ESRRG: variants seen among roughly 807,000 people sequenced by gnomAD.
ESRRG encodes the protein estrogen related receptor gamma.
A neutral mutation model predicts 44.0 loss-of-function variants in ESRRG; 13 were observed. The ratio of observed to expected loss-of-function variants is 0.30; its 90% CI spans 0.19 to 0.47. The LOEUF is 0.47. ESRRG is among the 20% of genes least tolerant of loss of function. The pLI, the probability that ESRRG is intolerant of heterozygous loss-of-function variation, is 1.00. For missense variants in ESRRG, 395 were observed against 580.6 expected (o/e 0.68, Z 3.29); for synonymous variants, 215 against 214.6 (o/e 1.00, Z -0.02).
chr1:217,133,602 C>CT, intron 1 of ESRRG, among the ~76,000 whole-genome samples: 1 of 128,080 alleles, frequency 7.8e-6, no homozygotes. Flanking sequence ...TGGTGTTTTC[C>CT]TTTTTTCTTT....
chr1:216,550,519 T>G (rs777012642), intron 5 of ESRRG, among the ~76,000 whole-genome samples: 8 of 152,214 alleles, frequency 5.3e-5, no homozygotes, highest in Non-Finnish European at 1.0e-4. Flanking sequence ...AAGCAGCCTT[T>G]ACACAGTCTT....
At chr1:216,622,547 A>G (rs1246407790) in intron 3 of ESRRG, among the ~76,000 whole-genome samples, 1 of 152,118 alleles carries the variant, frequency 6.6e-6, no homozygotes, top group African/African-American at 2.4e-5. Context: ...TTACTATGAT[A>G]TTAAGAGAAA....
intron 1 of ESRRG, among the ~76,000 whole-genome samples, chr1:217,103,738 T>C (rs1322731535): frequency 6.6e-6 from 1 of 152,066 alleles, no homozygotes; most frequent in Non-Finnish European, 1.5e-5. Context: ...TGTTAATGAA[T>C]AGAATATTCA....
At chr1:217,033,747 C>T (rs4846806) in intron 1 of ESRRG, among the ~76,000 whole-genome samples, 65,785 of 152,000 alleles carry the variant, frequency 0.43, 14,636 homozygotes, top group South Asian at 0.55. Flanking sequence ...ACCTAGTAAC[C>T]CTCTGCTGTG....
chr1:216,788,268 T>G (rs1415866952), intron 2 of ESRRG, among the ~76,000 whole-genome samples: 2 of 152,080 alleles, frequency 1.3e-5, no homozygotes, highest in African/African-American at 2.4e-5. Context: ...ACTTCAAAGC[T>G]CCAAAGAACA....
chr1:217,126,613 A>G (rs2092893929), intron 1 of ESRRG, among the ~76,000 whole-genome samples: 1 of 152,106 alleles, frequency 6.6e-6, no homozygotes, highest in Non-Finnish European at 1.5e-5. Context: ...GATCTTCAAA[A>G]AGCAGACTCT....
At chr1:217,043,655 A>AT (rs34911946) in intron 1 of ESRRG, among the ~76,000 whole-genome samples, 152,067 of 152,084 alleles carry the variant, frequency 1, 76,025 homozygotes, top group South Asian at 1. Flanking sequence ...AATAATGGGG[A>AT]TTTTTTTGCA....
chr1:216,593,141 T>G (rs1274943107), intron 3 of ESRRG, among the ~76,000 whole-genome samples: 1 of 152,204 alleles, frequency 6.6e-6, no homozygotes, highest in Non-Finnish European at 1.5e-5. Context: ...ATTGTTCAGG[T>G]TGCTCAATGT....
chr1:217,106,243 A>G (rs906333324), intron 1 of ESRRG, among the ~76,000 whole-genome samples: 2 of 152,240 alleles, frequency 1.3e-5, no homozygotes, highest in African/African-American at 4.8e-5. Flanking sequence ...TTCTCAATAC[A>G]TAATCCAGAG....
At chr1:216,872,315 T>G (rs2096269959) in intron 2 of ESRRG, among the ~76,000 whole-genome samples, 1 of 152,214 alleles carries the variant, frequency 6.6e-6, no homozygotes, top group Admixed American at 6.5e-5. Flanking sequence ...TCACTGAACC[T>G]GAATCTATGG....
intron 5 of ESRRG, among the ~76,000 whole-genome samples, chr1:216,546,561 C>A (rs1301169852): frequency 6.6e-6 from 1 of 151,978 alleles, no homozygotes; most frequent in Non-Finnish European, 1.5e-5. Context: ...TCGGCATTTT[C>A]ATTTTGCAGT....
At chr1:217,028,361 G>A (rs2081531945) in intron 1 of ESRRG, among the ~76,000 whole-genome samples, 1 of 152,166 alleles carries the variant, frequency 6.6e-6, no homozygotes, top group African/African-American at 2.4e-5. Flanking sequence ...AACCCACATT[G>A]GAGACAGCAA....
chr1:216,540,931 T>C (rs2052517188), intron 5 of ESRRG, among the ~76,000 whole-genome samples: 1 of 151,970 alleles, frequency 6.6e-6, no homozygotes, highest in Non-Finnish European at 1.5e-5. Flanking sequence ...AACAGGCAGT[T>C]TTTCAAGATG....
chr1:216,846,215 T>C (rs1024514635), intron 2 of ESRRG, among the ~76,000 whole-genome samples: 1 of 152,204 alleles, frequency 6.6e-6, no homozygotes, highest in African/African-American at 2.4e-5. Context: ...CTTATTATAT[T>C]GTGAAAATAT....
intron 5 of ESRRG, among the ~76,000 whole-genome samples, chr1:216,548,311 T>C (rs974250689): frequency 6.6e-6 from 1 of 152,102 alleles, no homozygotes; most frequent in Non-Finnish European, 1.5e-5. Context: ...TTGACCTCTC[T>C]CTCAAGTGAC....
chr1:216,706,230 G>A (rs528566364), intron 1 of ESRRG, among the ~76,000 whole-genome samples: 1 of 151,350 alleles, frequency 6.6e-6, no homozygotes, highest in Admixed American at 6.6e-5. Context: ...CAAAGGGAGT[G>A]ATATGGGAAA....
chr1:216,658,098 C>T (rs919737995), intron 2 of ESRRG, among the ~76,000 whole-genome samples: 34 of 152,214 alleles, frequency 2.2e-4, no homozygotes, highest in African/African-American at 7.7e-4. Flanking sequence ...CTGGAGATCA[C>T]ACACTCTGGT....
At position 216,879,879 on chromosome 1, in the gene ESRRG, T is replaced by TCAA. The variant is rs546943580; in HGVS notation, c.-14+59700_-14+59702dup. On this transcript the variant is annotated intron_variant, in intron 2 of 7. Coordinates refer to the ESRRG transcript ENST00000359162. ...AAATATCTTGGTGGCACCAATGAAA[T>TCAA]CAATAATACATCACTAACTAGGATG... Among the ~76,000 whole-genome samples the TCAA allele has an allele frequency of 3.0e-4, 45 of 152,314 alleles. 1 individual carries two copies. Among genetic ancestry groups the TCAA allele is most frequent in the Admixed American group, 2.7e-3 (42 of 15,296 alleles).
At chr1:217,070,257 G>T (rs2151440298) in intron 1 of ESRRG, among the ~76,000 whole-genome samples, 1 of 152,130 alleles carries the variant, frequency 6.6e-6, no homozygotes, top group South Asian at 2.1e-4. Flanking sequence ...TCAATTAAGA[G>T]AAGTAAAAGC....
Sources: allele counts gnomAD v4.1 joint callset (sites outside exome capture counted in the v4.1 genomes callset), GRCh38; gene constraint gnomAD v4.1.1; transcripts MANE v1.5; gene names NCBI Gene and HGNC (gene_info 2026-07-23, HGNC 2026-07-21).